SLC39A12: variants seen among roughly 807,000 people sequenced by gnomAD.
SLC39A12 encodes the protein solute carrier family 39 member 12.
In SLC39A12, 63 loss-of-function variants were observed where a neutral mutation model predicts 71.1. That is an observed-to-expected ratio of 0.89 (90% CI 0.72 to 1.09). The LOEUF is 1.09. SLC39A12 is among the 50% of genes least tolerant of loss of function. The pLI is 0.00. For synonymous variants in SLC39A12, 351 were observed against 301.3 expected, an observed-to-expected ratio of 1.16 and a Z score of -1.71; for missense variants, 892 against 812.6, an observed-to-expected ratio of 1.10 and a Z score of -1.19.
intron 4 of SLC39A12, among the ~76,000 whole-genome samples, chr10:17,969,110 ATGACT>A (rs1834905191): frequency 6.6e-6 from 1 of 152,174 alleles, no homozygotes; most frequent in Non-Finnish European, 1.5e-5. Context: ...GTTGTTGCAA[ATGACT>A]TGATCTCATT....
intron 6 of SLC39A12, among the ~76,000 whole-genome samples, chr10:17,983,278 C>T (rs1459663075): frequency 6.6e-6 from 1 of 151,228 alleles, no homozygotes; most frequent in African/African-American, 2.4e-5. Context: ...ATTACTTGAG[C>T]CCGAGAGTTT....
At chr10:18,034,233 C>G (rs1233712644) in intron 12 of SLC39A12, among the ~76,000 whole-genome samples, 59 of 149,782 alleles carry the variant, frequency 3.9e-4, no homozygotes, top group South Asian at 1.5e-3. Context: ...GTTGATCTGT[C>G]TAATGTTGAC....
At chr10:17,992,088 C>CAAAA (rs59014549) in intron 8 of SLC39A12, among the ~76,000 whole-genome samples, 33 of 87,182 alleles carry the variant, frequency 3.8e-4, no homozygotes, top group East Asian at 6.6e-4. Context: ...GACTCCATCT[C>CAAAA]AAAAAAAAAA....
At chr10:18,038,297 G>T (rs561004730) in intron 12 of SLC39A12, among the ~76,000 whole-genome samples, 1 of 152,000 alleles carries the variant, frequency 6.6e-6, no homozygotes, top group South Asian at 2.1e-4. Flanking sequence ...AATTCAATAG[G>T]TATTAAATCC....
chr10:18,001,033 T>C (rs997806711), intron 11 of SLC39A12, among the ~76,000 whole-genome samples: 3 of 152,068 alleles, frequency 2.0e-5, no homozygotes, highest in Non-Finnish European at 4.4e-5. Context: ...CTTTATGATG[T>C]TTCCCAGGGC....
intron 12 of SLC39A12, among the ~76,000 whole-genome samples, chr10:18,010,880 C>G (rs1243697080): frequency 3.3e-5 from 5 of 152,110 alleles, no homozygotes; most frequent in African/African-American, 1.2e-4. Context: ...ACCAACCGTT[C>G]CTCCTCCTCC....
chr10:18,009,936 C>G (rs1267298916), intron 12 of SLC39A12, among the ~76,000 whole-genome samples: 1 of 152,134 alleles, frequency 6.6e-6, no homozygotes, highest in Non-Finnish European at 1.5e-5. Flanking sequence ...GCTTCAAGAA[C>G]ATGAATTGGG....
intron 12 of SLC39A12, among the ~76,000 whole-genome samples, chr10:18,021,648 T>G (rs1450193025): frequency 6.6e-6 from 1 of 152,156 alleles, no homozygotes; most frequent in African/African-American, 2.4e-5. Context: ...ATGTATGGAT[T>G]TGATCATGTC....
At chr10:18,021,760 G>A (rs1158988013) in intron 12 of SLC39A12, among the ~76,000 whole-genome samples, 1 of 152,130 alleles carries the variant, frequency 6.6e-6, no homozygotes, top group African/African-American at 2.4e-5. Context: ...TCAGGTAATG[G>A]TCTTTCATTT....
In SLC39A12 at chr10:17,986,708, G is replaced by T. The variant is rs78271772; in HGVS notation, c.1097-771G>T. On this transcript the variant is annotated intron_variant, in intron 6 of 12. Transcript: ENST00000377369. ...GTTAAAAATTTAAAAACTTTTTGCC[G>T]CATATAACACTTATAAGACTGGGTG... Among the ~76,000 whole-genome samples the T allele has an allele frequency of 4.8e-3, 728 of 152,236 alleles. 29 individuals carry two copies. In the East Asian group the frequency reaches 0.094, roughly 20 times the overall value.
Position 17,991,176 on chromosome 10 carries a change from C to T in SLC39A12, c.1295C>T (p.Ala432Val), listed in dbSNP as rs778543774. ...GTTCTTGGTTTACATAAGCAGGAAG[C>T]CCCAGAATTTGGGCATTTCCATGAA... ...PQVLGLHKQEAPEFGHFHESK... is the reference protein window; with the variant it reads ...PQVLGLHKQEVPEFGHFHESK... Residue 432 changes from alanine to valine, a missense_variant, in exon 8 of 13, where the codon GCC (alanine) becomes GTC (valine). Ala to Val is a moderately conservative substitution (Grantham distance 64). Transcript: ENST00000377369. 5 of 1,556,586 alleles carry T rather than the reference C, an allele frequency of 3.2e-6. No homozygotes were observed. In the East Asian group the frequency reaches 1.2e-4, roughly 37 times the overall value.
intron 12 of SLC39A12, among the ~76,000 whole-genome samples, chr10:18,040,971 C>T (rs966683695): frequency 6.6e-6 from 1 of 151,922 alleles, no homozygotes. Context: ...TAGTAGGAGC[C>T]ATAGATACTG....
chr10:18,029,132 A>C (rs1836765606), intron 12 of SLC39A12, among the ~76,000 whole-genome samples: 1 of 152,156 alleles, frequency 6.6e-6, no homozygotes. Flanking sequence ...CGGCCTCCCA[A>C]AGTGCTGGGA....
chr10:17,991,544 C>T (rs1022090142), intron 8 of SLC39A12, among the ~76,000 whole-genome samples: 1 of 152,110 alleles, frequency 6.6e-6, no homozygotes, highest in African/African-American at 2.4e-5. Context: ...GGTTTAGGAA[C>T]TGGGGACTAT....
At chr10:17,958,531 A>G (rs1481450661) in intron 2 of SLC39A12, among the ~76,000 whole-genome samples, 1 of 152,204 alleles carries the variant, frequency 6.6e-6, no homozygotes, top group Non-Finnish European at 1.5e-5. Flanking sequence ...TAACAAGTAC[A>G]TCAGTGGGTC....
At chr10:18,025,436 A>T (rs577714472) in intron 12 of SLC39A12, among the ~76,000 whole-genome samples, 34 of 150,864 alleles carry the variant, frequency 2.3e-4, no homozygotes, top group African/African-American at 7.6e-4. Context: ...TCCTGTGTCC[A>T]TGTGTTCTCA....
At position 18,037,843 on chromosome 10, in the gene SLC39A12, A is replaced by T. The variant is rs191032370; in HGVS notation, c.1948-4862A>T. Among the ~76,000 whole-genome samples the T allele has an allele frequency of 4.3e-3, 649 of 151,680 alleles. 1 individual carries two copies. Among genetic ancestry groups the T allele is most frequent in the Non-Finnish European group, 6.6e-3 (445 of 67,870 alleles). ...GAGACCATCTTGGCCAACATCATGA[A>T]ACCCCATCTCTACTAAAATACAAAA... On this transcript the variant is annotated intron_variant, in intron 12 of 12. Coordinates refer to ENST00000377369, the MANE Select transcript of SLC39A12 (RefSeq NM_001145195.2).
chr10:18,030,823 G>C (rs1483173956), intron 12 of SLC39A12, among the ~76,000 whole-genome samples: 1,690 of 110,510 alleles, frequency 0.015, 22 homozygotes, highest in South Asian at 0.042. Flanking sequence ...ACAGTCCCCA[G>C]AGTGTGATAT....
chr10:18,011,646 C>A (rs1836227756), intron 12 of SLC39A12, among the ~76,000 whole-genome samples: 1 of 152,104 alleles, frequency 6.6e-6, no homozygotes, highest in African/African-American at 2.4e-5. Context: ...CTTTGCTGAG[C>A]TTTACGACTA....
Sources: allele counts gnomAD v4.1 joint callset (sites outside exome capture counted in the v4.1 genomes callset), GRCh38; gene constraint gnomAD v4.1.1; transcripts MANE v1.5; gene names NCBI Gene and HGNC (gene_info 2026-07-23, HGNC 2026-07-21).